Variants in FER1L5 observed in about 807,000 individuals in gnomAD.
FER1L5 encodes fer-1 like family member 5.
Under a neutral mutation model 279.9 loss-of-function variants are expected in FER1L5, and 187 were observed. The ratio of observed to expected loss-of-function variants is 0.67; its 90% CI spans 0.59 to 0.75. The LOEUF (loss-of-function observed/expected upper bound fraction) is 0.75. Ranked by LOEUF, FER1L5 falls within the 30% of genes least tolerant of loss-of-function variation. The pLI is 0.00. For synonymous variants in FER1L5, 921 were observed against 989.7 expected, an observed-to-expected ratio of 0.93 and a Z score of 1.30; for missense variants, 2,091 against 2,594.4, an observed-to-expected ratio of 0.81 and a Z score of 4.21.
intron 8 of FER1L5, chr2:96,654,042 TG>T (rs1447904951): frequency 2.6e-6 from 1 of 382,254 alleles, no homozygotes; most frequent in Non-Finnish European, 4.7e-6. Context: ...GTGGAACATG[TG>T]GTTATCAGGT....
chr2:96,703,401 C>T (rs1362140264), intron 50 of FER1L5, 55 bp downstream of exon 50: 2 of 1,597,034 alleles, frequency 1.3e-6, no homozygotes, highest in African/African-American at 2.7e-5. Flanking sequence ...TGTCCTGGCT[C>T]TAACAGACAT....
In FER1L5 at chr2:96,681,821, A is replaced by G. The variant is rs918331208; in HGVS notation, c.1670-2506A>G. ...ATTTATTTATTTGAGAAGGAGTCTC[A>G]CTTTGTTGCCCAGGCTGGAGTGCAG... On this transcript the variant is annotated intron_variant, in intron 19 of 52. Coordinates refer to ENST00000624922, the MANE Select transcript of FER1L5 (RefSeq NM_001293083.2). Among the ~76,000 whole-genome samples the G allele has an allele frequency of 4.0e-5, 6 of 150,786 alleles. No homozygotes were observed. The South Asian group carries it at 1.3e-3, about 32-fold the overall frequency.
Position 96,693,937 on chromosome 2 carries a change from C to A in FER1L5, c.3501C>A (p.Ser1167Arg). The A allele has an allele frequency of 6.4e-7, 1 of 1,550,916 alleles. No homozygotes were observed. The highest frequency in any genetic ancestry group is 8.7e-7 in the Non-Finnish European group (1 of 1,146,698). ...GCAAGGAGAGCTTGTGGGGACGGAG[C>A]GTGTGGCCCCCAATGGTCTGGCTGG... ...FWGKESLWGR[S>R]VWPPMVWLDL... The change falls in exon 33 of 53, where the codon AGC (serine) becomes AGA (arginine). Residue 1167 changes from serine (S) to arginine (R), a missense_variant. Physicochemically the swap from Ser to Arg is moderately radical, Grantham distance 110. Coordinates refer to ENST00000624922, the MANE Select transcript of FER1L5 (RefSeq NM_001293083.2).
intron 13 of FER1L5, among the ~76,000 whole-genome samples, 199 bp downstream of exon 13, chr2:96,662,466 C>A (rs1012982141): frequency 6.6e-6 from 1 of 152,004 alleles, no homozygotes; most frequent in African/African-American, 2.4e-5. Flanking sequence ...CCCCCAAAAA[C>A]CAAATACACG....
chr2:96,699,272 T>TG, intron 42 of FER1L5, 136 bp downstream of exon 42: 1 of 933,766 alleles, frequency 1.1e-6, no homozygotes, highest in Non-Finnish European at 1.6e-6. Context: ...CATGCCCTGG[T>TG]GCTCAACAGA....
rs949298582 is a variant in FER1L5 at position 96,692,194 on chromosome 2, C to T, written c.3292+13C>T. On this transcript the variant is annotated intron_variant, in intron 31 of 52. Transcript: ENST00000624922. ...CTGACATTCCAAGGTAGGTGGCAGG[C>T]AGCCTTGTCCCCAGCTGAGGACAAG... is the stretch of plus-strand genomic sequence containing the variant. 2 of 1,551,504 alleles carry T rather than the reference C, an allele frequency of 1.3e-6. No homozygotes were observed. Among genetic ancestry groups the T allele is most frequent in the Admixed American group, 2.0e-5 (1 of 50,996 alleles).
chr2:96,642,785 A>G lies in FER1L5; in HGVS notation c.-52A>G, dbSNP rs2074938645. 2.6e-6 allele frequency: 4 copies of G among 1,528,714 alleles called. No homozygotes were observed. The highest frequency in any genetic ancestry group is 2.0e-5 in the Admixed American group (1 of 49,332). The allele number at this position is 1,528,714 out of a possible 1,614,324, so 94.7% of individuals were successfully genotyped here. On this transcript the variant is annotated 5_prime_UTR_variant, in exon 1 of 53. Transcript: ENST00000624922. The stretch of plus-strand genomic sequence containing the variant: ...AAGTCTTGGACTGAGGAGCTCCAAA[A>G]AGGAAGCTGTGGCGCTGCGTAGGGA...
In FER1L5 at chr2:96,689,520, A is replaced by C. The variant is rs1191661308; in HGVS notation, c.2526-124A>C. The C allele has an allele frequency of 3.5e-6, 5 of 1,443,188 alleles. No homozygotes were observed. In the African/African-American group the frequency reaches 5.7e-5, roughly 16 times the overall value. The allele number at this position is 1,443,188 out of a possible 1,614,324, so 89.4% of individuals were successfully genotyped here. On this transcript the variant is annotated intron_variant, in intron 25 of 52. Transcript: ENST00000624922. The surrounding 1 kb of genome is among the most constrained non-coding windows in gnomAD (Gnocchi z 4.6). ...CACCAGGCCAAGGGCCCTGCCCACCACCCTGTCCTGCCCAGAGCAGGTGGG... is the reference window on the plus strand; with the variant it reads ...CACCAGGCCAAGGGCCCTGCCCACCCCCCTGTCCTGCCCAGAGCAGGTGGG...
chr2:96,693,619 G>A lies in FER1L5; in HGVS notation c.3406G>A (p.Glu1136Lys), dbSNP rs759592860. The change falls in exon 32 of 53, where the codon GAG becomes AAG. Residue 1136 changes from glutamate to lysine, a missense_variant. Transcript: ENST00000624922. ...CATCTTCCAGCACCTCCTTCTGTACGAGAACCCACAGGACACCAAAGAGAG... is the reference window on the plus strand; with the variant it reads ...CATCTTCCAGCACCTCCTTCTGTACAAGAACCCACAGGACACCAAAGAGAG... The part of the protein sequence containing the change: ...TLIFQHLLLY[E>K]NPQDTKESPP... The A allele has an allele frequency of 2.8e-5, 44 of 1,551,572 alleles. No homozygotes were observed. Among genetic ancestry groups the A allele is most frequent in the Admixed American group, 3.9e-5 (2 of 50,988 alleles).
At position 96,694,129 on chromosome 2, in the gene FER1L5, CA is replaced by C. The variant is rs2077267151; in HGVS notation, c.3636+58del. On this transcript the variant is annotated intron_variant, in intron 33 of 52. Coordinates refer to ENST00000624922, the MANE Select transcript of FER1L5 (RefSeq NM_001293083.2). The surrounding 1 kb of genome is among the most constrained non-coding windows in gnomAD (Gnocchi z 4.6). ...TGGCACTCAGTGCCCCTCCCCGTCC[CA>C]CCCCCAGCCAGCGGGGGCCAACTCC... The C allele has an allele frequency of 6.7e-7, 1 of 1,489,128 alleles. No individual in the cohort carries two copies. The highest frequency in any genetic ancestry group is 2.2e-5 in the Admixed American group (1 of 45,972). 92.2% of individuals were successfully genotyped at this position (1,489,128 alleles called of 1,614,324 possible). A position where few individuals can be genotyped will look rare whatever the true frequency, so the allele number is the denominator to read the frequency against.
intron 12 of FER1L5, 54 bp from the exon 13 acceptor site, chr2:96,662,161 C>G: frequency 6.6e-7 from 1 of 1,525,040 alleles, no homozygotes; most frequent in East Asian, 2.5e-5. Flanking sequence ...CACCCTATTT[C>G]CTCCTCCTGA....
chr2:96,673,560 C>T (rs2076404894), intron 19 of FER1L5, among the ~76,000 whole-genome samples: 1 of 152,068 alleles, frequency 6.6e-6, no homozygotes, highest in Non-Finnish European at 1.5e-5. Context: ...CATCCTCCAC[C>T]CACCAATTCA....
chr2:96,681,367 T>C (rs1226431975), intron 19 of FER1L5, among the ~76,000 whole-genome samples: 1 of 151,810 alleles, frequency 6.6e-6, no homozygotes, highest in Non-Finnish European at 1.5e-5. Flanking sequence ...TAAAACAAAG[T>C]GGTCATAAAT....
chr2:96,679,524 A>G (rs1419554837), intron 19 of FER1L5, among the ~76,000 whole-genome samples: 1 of 152,154 alleles, frequency 6.6e-6, no homozygotes, highest in Non-Finnish European at 1.5e-5. Flanking sequence ...ACCCGGCCAC[A>G]CCTGTAGTTT....
rs942013598 is a variant in FER1L5 at position 96,693,518 on chromosome 2, G to A, written c.3305G>A (p.Arg1102Gln). 1.9e-6 allele frequency: 3 copies of A among 1,549,854 alleles called. No individual in the cohort carries two copies. The highest frequency in any genetic ancestry group is 1.4e-5 in the African/African-American group (1 of 72,782). ...TCTACCCCTCCAGGGCCCTTCATTC[G>A]GGTGGTCTTCCTGAACCACAGCCAG... is the stretch of plus-strand genomic sequence containing the variant. ...QILTFQGPFI[R>Q]VVFLNHSQCT... is the part of the protein sequence containing the mutation. Residue 1102 changes from arginine to glutamine, a missense_variant, in exon 32 of 53, where the codon CGG becomes CAG. Transcript: ENST00000624922.
chr2:96,691,694 A>C lies in FER1L5; in HGVS notation c.3075+82A>C. 2.0e-6 allele frequency: 3 copies of C among 1,536,878 alleles called. No homozygotes were observed. The highest frequency in any genetic ancestry group is 2.6e-6 in the Non-Finnish European group (3 of 1,138,788). ...AGGGCCTGGCCTGGCTGGGGCGCTG[A>C]CTGCGGAGGAAGGGCCTCTGTTCCT... On this transcript the variant is annotated intron_variant, in intron 29 of 52. Coordinates refer to ENST00000624922, the MANE Select transcript of FER1L5 (RefSeq NM_001293083.2). This position sits in a 1 kb window ranked among gnomAD's most constrained non-coding sequence, Gnocchi z 6.0.
rs1045863687 is a variant in FER1L5, at chr2:96,693,874, G to C, written c.3475-37G>C. 1.1e-5 allele frequency: 16 copies of C among 1,515,996 alleles called. No homozygotes were observed. In the Admixed American group the frequency reaches 3.0e-4, roughly 28 times the overall value. The allele number at this position is 1,515,996 out of a possible 1,614,324, so 93.9% of individuals were successfully genotyped here. A position where few individuals can be genotyped will look rare whatever the true frequency, so the allele number is the denominator to read the frequency against. ...GCCCAGACAGAGCTGGGCCCTGCCA[G>C]CATGGCCTCCATGCTTTGTGAACTT... On this transcript the variant is annotated intron_variant, in intron 32 of 52. Coordinates refer to ENST00000624922, the MANE Select transcript of FER1L5 (RefSeq NM_001293083.2).
chr2:96,642,849 G>C lies in FER1L5; in HGVS notation c.13G>C (p.Val5Leu). The part of the protein sequence containing the change: MLRL[V>L]VQSAKIDPPL... ...GTAGGTCTCCGAGATGCTGCGGCTTGTGGTGCAGTCGGCCAAGATTGACCC... is the reference window on the plus strand; with the variant it reads ...GTAGGTCTCCGAGATGCTGCGGCTTCTGGTGCAGTCGGCCAAGATTGACCC... Residue 5 changes from valine to leucine, a missense_variant, in exon 1 of 53, where the codon GTG becomes CTG. Coordinates refer to ENST00000624922, the MANE Select transcript of FER1L5 (RefSeq NM_001293083.2). 6.4e-7 allele frequency: 1 copy of C among 1,550,974 alleles called. No homozygotes were observed. The highest frequency in any genetic ancestry group is 1.2e-5 in the South Asian group (1 of 83,940).
In FER1L5 at chr2:96,647,101, A is replaced by C. The variant is rs749243667; in HGVS notation, c.176A>C (p.Asn59Thr). The stretch of plus-strand genomic sequence containing the variant: ...CACCTCTGGAACCGCCCCCTGGAAA[A>C]TGACTCCTTCCTGCAAGTCACCCTT... ...IWHLWNRPLE[N>T]DSFLQVTLQD... Residue 59 changes from asparagine to threonine, a missense_variant, in exon 3 of 53, where the codon AAT becomes ACT. Transcript: ENST00000624922. 12 of 1,551,578 alleles carry C rather than the reference A, an allele frequency of 7.7e-6. No homozygotes were observed.
Sources: allele counts gnomAD v4.1 joint callset (sites outside exome capture counted in the v4.1 genomes callset), GRCh38; gene constraint gnomAD v4.1.1; non-coding constraint Gnocchi (gnomAD v3.1); transcripts MANE v1.5; gene names NCBI Gene and HGNC (gene_info 2026-07-23, HGNC 2026-07-21).